Variants in CCNYL1 observed in about 807,000 individuals in gnomAD.
CCNYL1 encodes cyclin Y like 1.
Under a neutral mutation model 44.2 loss-of-function variants are expected in CCNYL1, and 16 were observed. The ratio of observed to expected loss-of-function variants is 0.36; its 90% confidence interval spans 0.25 to 0.55. CCNYL1 has a LOEUF of 0.55. Ranked by LOEUF, CCNYL1 falls within the 20% of genes least tolerant of loss-of-function variation. The pLI is 0.85. For missense variants in CCNYL1, 348 were observed against 451.8 expected (o/e 0.77, Z 2.08); for synonymous variants, 159 against 163.2 (o/e 0.97, Z 0.20).
intron 1 of CCNYL1, among the ~76,000 whole-genome samples, chr2:207,715,027 C>T (rs903147267): frequency 4.6e-5 from 7 of 152,182 alleles, no homozygotes; most frequent in East Asian, 3.9e-4. Flanking sequence ...CCCAGCACTT[C>T]GGGAGGCTGA....
At chr2:207,723,874 CAAAAAAA>C (rs58432475) in intron 1 of CCNYL1, among the ~76,000 whole-genome samples, 2 of 53,336 alleles carry the variant, frequency 3.7e-5, no homozygotes, top group Admixed American at 2.0e-4. Flanking sequence ...GACTCCATCT[CAAAAAAA>C]AAAAAAAAAA....
chr2:207,734,086 C>A lies in CCNYL1; in HGVS notation c.431+39C>A, dbSNP rs930762939. 16 of 1,283,684 alleles carry A rather than the reference C, an allele frequency of 1.2e-5. No homozygotes were observed. In the East Asian group the frequency reaches 1.6e-4, roughly 13 times the overall value. The allele number at this position is 1,283,684 out of a possible 1,614,324, so 79.5% of individuals were successfully genotyped here. ...GGCTGCCAAGGGCTGAGTGACAGAC[C>A]CCCTTATGCTAAAAGCATCCTAGCC... is the stretch of plus-strand genomic sequence containing the variant. On this transcript the variant is annotated intron_variant, in intron 4 of 9. Coordinates refer to ENST00000295414, the MANE Select transcript of CCNYL1 (RefSeq NM_001330218.2).
At position 207,750,403 on chromosome 2, in the gene CCNYL1, G is replaced by T. The variant is rs2091883156; in HGVS notation, c.807-554G>T. ...ATTCCCTTCCCCTGTAATGTAGCTTGCTTATTTATTTATTTGAGATGAATC... is the reference window on the plus strand; with the variant it reads ...ATTCCCTTCCCCTGTAATGTAGCTTTCTTATTTATTTATTTGAGATGAATC... On this transcript the variant is annotated intron_variant, in intron 8 of 9. Transcript: ENST00000295414. Among the ~76,000 whole-genome samples, 3 of 152,222 alleles carry T rather than the reference G, an allele frequency of 2.0e-5. No homozygotes were observed. The Middle Eastern group carries it at 0.01, about 518-fold the overall frequency.
intron 4 of CCNYL1, among the ~76,000 whole-genome samples, chr2:207,735,582 C>G (rs1575216991): frequency 6.6e-6 from 1 of 152,134 alleles, no homozygotes; most frequent in African/African-American, 2.4e-5. Flanking sequence ...AAACAACCCT[C>G]AGGCTGGGCG....
At chr2:207,749,217 G>A (rs2091875528) in intron 8 of CCNYL1, among the ~76,000 whole-genome samples, 1 of 152,136 alleles carries the variant, frequency 6.6e-6, no homozygotes, top group Non-Finnish European at 1.5e-5. Context: ...CTACAAACAG[G>A]CTGCTTTTGT....
chr2:207,735,153 G>C lies in CCNYL1; in HGVS notation c.431+1106G>C, dbSNP rs571135201. Among the ~76,000 whole-genome samples the C allele has an allele frequency of 2.6e-5, 4 of 152,234 alleles. No individual in the cohort carries two copies. The East Asian group carries it at 7.7e-4, about 29-fold the overall frequency. ...CCCCCCATTTTAGTCTTAATTTTTAGATGTCTACTTTTGGAAGTACAGTAA... is the reference window on the plus strand; with the variant it reads ...CCCCCCATTTTAGTCTTAATTTTTACATGTCTACTTTTGGAAGTACAGTAA... On this transcript the variant is annotated intron_variant, in intron 4 of 9. Coordinates refer to ENST00000295414, the MANE Select transcript of CCNYL1 (RefSeq NM_001330218.2).
intron 6 of CCNYL1, among the ~76,000 whole-genome samples, chr2:207,741,474 A>T (rs1443542781): frequency 6.6e-6 from 1 of 152,172 alleles, no homozygotes; most frequent in Admixed American, 6.5e-5. Context: ...TTATATTTTA[A>T]AAACTAAAAG....
intron 9 of CCNYL1, among the ~76,000 whole-genome samples, chr2:207,753,038 AAG>A (rs1203603800): frequency 6.6e-6 from 1 of 152,062 alleles, no homozygotes; most frequent in Non-Finnish European, 1.5e-5. Flanking sequence ...AAAAAAAAAA[AAG>A]AAAAAAATAA....
At chr2:207,752,121 A>ATT (rs60066101) in intron 9 of CCNYL1, among the ~76,000 whole-genome samples, 23,561 of 152,026 alleles carry the variant, frequency 0.15, 3,007 homozygotes, top group East Asian at 0.38. Flanking sequence ...TGTCTTACTT[A>ATT]CTGTTTGCAA....
At chr2:207,739,038 A>T (rs537400264) in intron 5 of CCNYL1, among the ~76,000 whole-genome samples, 327 of 152,214 alleles carry the variant, frequency 2.1e-3, no homozygotes, top group Non-Finnish European at 3.4e-3. Context: ...ATTTCTTGAC[A>T]GTGGCAAAGC....
At chr2:207,734,118 G>T (rs7573046) in intron 4 of CCNYL1, 71 bp downstream of exon 4, 38 of 893,274 alleles carry the variant, frequency 4.3e-5, no homozygotes, top group East Asian at 3.5e-4. Context: ...AGCCATCCTC[G>T]GTAATTTCAG....
intron 8 of CCNYL1, among the ~76,000 whole-genome samples, chr2:207,749,790 A>T (rs569400271): frequency 1.6e-4 from 25 of 152,370 alleles, no homozygotes; most frequent in African/African-American, 5.8e-4. Context: ...TTTTAAGCTC[A>T]GCAAATGAGA....
At chr2:207,720,932 G>C (rs1327489087) in intron 1 of CCNYL1, among the ~76,000 whole-genome samples, 1 of 151,918 alleles carries the variant, frequency 6.6e-6, no homozygotes, top group African/African-American at 2.4e-5. Context: ...CAGAAGCTAG[G>C]AAAGCAAAAG....
chr2:207,741,545 G>A (rs2091809819), intron 6 of CCNYL1, among the ~76,000 whole-genome samples: 1 of 152,064 alleles, frequency 6.6e-6, no homozygotes, highest in Non-Finnish European at 1.5e-5. Flanking sequence ...AACACTGCTG[G>A]TCTTAGGAGT....
At chr2:207,742,428 C>A in intron 7 of CCNYL1, 86 bp downstream of exon 7, 1 of 1,245,920 alleles carries the variant, frequency 8.0e-7, no homozygotes, top group Non-Finnish European at 1.1e-6. Flanking sequence ...AAAATAGGTT[C>A]CTGAAATTAT....
At chr2:207,744,615 C>G (rs1285913746) in intron 7 of CCNYL1, among the ~76,000 whole-genome samples, 2 of 151,970 alleles carry the variant, frequency 1.3e-5, no homozygotes, top group Non-Finnish European at 2.9e-5. Flanking sequence ...GGTGATCCGC[C>G]TACTTCGGCA....
chr2:207,722,909 A>G (rs2091651892), intron 1 of CCNYL1, among the ~76,000 whole-genome samples: 1 of 151,956 alleles, frequency 6.6e-6, no homozygotes, highest in Admixed American at 6.6e-5. Context: ...CAGTGAGCCA[A>G]GATTGCACCA....
intron 2 of CCNYL1, among the ~76,000 whole-genome samples, chr2:207,725,862 A>G (rs1042637813): frequency 6.6e-6 from 1 of 152,238 alleles, no homozygotes; most frequent in African/African-American, 2.4e-5. Flanking sequence ...CTAAAAAGCT[A>G]TATACAACCA....
At chr2:207,720,320 GTTAA>G (rs540289169) in intron 1 of CCNYL1, among the ~76,000 whole-genome samples, 13 of 150,076 alleles carry the variant, frequency 8.7e-5, no homozygotes, top group African/African-American at 3.2e-4. Flanking sequence ...CTTTTTTTCA[GTTAA>G]TTAAGCTTTA....
Sources: allele counts gnomAD v4.1 joint callset (sites outside exome capture counted in the v4.1 genomes callset), GRCh38; gene constraint gnomAD v4.1.1; transcripts MANE v1.5; gene names NCBI Gene and HGNC (gene_info 2026-07-23, HGNC 2026-07-21).